The following RNF144A variants were observed in gnomAD, a reference collection of about 807,000 sequenced individuals.
RNF144A encodes E3 ubiquitin-protein ligase RNF144A.
Under a neutral mutation model 38.7 loss-of-function variants are expected in RNF144A, and 11 were observed. That is an observed-to-expected ratio of 0.28 (90% CI 0.18 to 0.47). The LOEUF is 0.47. Among genes scored for constraint, RNF144A ranks in the 20% least tolerant of loss-of-function variants. The probability of loss-of-function intolerance (pLI) is 0.99; values close to 1 mark genes in which losing one functional copy is unlikely to be tolerated. For synonymous variants in RNF144A, 149 were observed against 143.9 expected, an observed-to-expected ratio of 1.04 and a Z score of -0.25; for missense variants, 316 against 377.2, an observed-to-expected ratio of 0.84 and a Z score of 1.34.
At position 7,041,831 on chromosome 2, in the gene RNF144A, G is replaced by C; in HGVS notation, c.*2071G>C. On this transcript the variant is annotated 3_prime_UTR_variant, in exon 9 of 9. Coordinates refer to ENST00000320892, the MANE Select transcript of RNF144A (RefSeq NM_014746.6). The stretch of plus-strand genomic sequence containing the variant: ...ACCCCCGTCCTTAGGATGAGAGTCA[G>C]AGCCTTTGGAAAGGCTGCATCCCCA... 1.0e-6 allele frequency: 1 copy of C among 985,488 alleles called. No individual in the cohort carries two copies. Among genetic ancestry groups the C allele is most frequent in the Non-Finnish European group, 1.2e-6 (1 of 829,974 alleles). 61.0% of individuals were successfully genotyped at this position (985,488 alleles called of 1,614,324 possible).
intron 2 of RNF144A, among the ~76,000 whole-genome samples, chr2:6,990,562 TACACACACAAACACACACACAC>T (rs1472125203): frequency 2.9e-5 from 1 of 34,940 alleles, no homozygotes; most frequent in Non-Finnish European, 9.1e-5. Flanking sequence ...GAGAGATTGC[TACACACACAAACACACACACAC>T]ACACACACAC....
intron 2 of RNF144A, among the ~76,000 whole-genome samples, chr2:6,946,517 A>T (rs1229143099): frequency 1.3e-5 from 2 of 152,088 alleles, no homozygotes; most frequent in East Asian, 3.9e-4. Flanking sequence ...AATAAATATA[A>T]TACCTATAAT....
intron 2 of RNF144A, among the ~76,000 whole-genome samples, chr2:6,986,922 G>A (rs1572341743): frequency 6.6e-6 from 1 of 152,000 alleles, no homozygotes; most frequent in Non-Finnish European, 1.5e-5. Context: ...TTAATGAGTC[G>A]ATGTTTGATT....
chr2:7,018,724 A>G (rs1671308444), intron 5 of RNF144A, among the ~76,000 whole-genome samples: 1 of 152,250 alleles, frequency 6.6e-6, no homozygotes, highest in Non-Finnish European at 1.5e-5. Context: ...TTGTCCATTC[A>G]TTCAGTATGA....
At chr2:6,951,112 T>G (rs1240263623) in intron 2 of RNF144A, among the ~76,000 whole-genome samples, 2 of 152,202 alleles carry the variant, frequency 1.3e-5, no homozygotes, top group African/African-American at 2.4e-5. Flanking sequence ...TTATATTTAA[T>G]AGTTTTAAAA....
chr2:7,012,792 C>T (rs1670901685), intron 3 of RNF144A, among the ~76,000 whole-genome samples: 1 of 152,132 alleles, frequency 6.6e-6, no homozygotes, highest in Non-Finnish European at 1.5e-5. Context: ...TGGAGTCTCA[C>T]GTAGAACTCC....
chr2:7,020,765 C>A, intron 6 of RNF144A, 85 bp downstream of exon 6: 1 of 1,266,662 alleles, frequency 7.9e-7, no homozygotes, highest in Non-Finnish European at 1.1e-6. Flanking sequence ...AGTGCTGTTA[C>A]AGTGTAAGTG....
intron 2 of RNF144A, among the ~76,000 whole-genome samples, chr2:6,954,551 G>T (rs1666880621): frequency 6.6e-6 from 1 of 152,184 alleles, no homozygotes; most frequent in Non-Finnish European, 1.5e-5. Context: ...GAGGGAAGTG[G>T]ATGTCTGCAA....
chr2:7,049,502 T>C (rs1245011536), intron 6 of RNF144A, among the ~76,000 whole-genome samples: 1 of 152,006 alleles, frequency 6.6e-6, no homozygotes, highest in African/African-American at 2.4e-5. Flanking sequence ...GAAAAACGAG[T>C]CTCTTGGAAT....
intron 2 of RNF144A, among the ~76,000 whole-genome samples, chr2:6,942,473 ACT>A (rs1324416940): frequency 1.3e-5 from 2 of 152,220 alleles, no homozygotes; most frequent in South Asian, 2.1e-4. Flanking sequence ...AGTGGGGCAC[ACT>A]CTGCAGATAG....
chr2:7,013,676 T>C (rs1275471406), intron 3 of RNF144A, among the ~76,000 whole-genome samples: 5 of 152,226 alleles, frequency 3.3e-5, no homozygotes, highest in African/African-American at 4.8e-5. Flanking sequence ...CTGTTTATAA[T>C]ATGCTTTTCA....
chr2:7,066,320 C>T (rs1033289124), intron 6 of RNF144A, among the ~76,000 whole-genome samples: 2 of 152,108 alleles, frequency 1.3e-5, no homozygotes, highest in African/African-American at 4.8e-5. Context: ...ATCTCCTGAC[C>T]TCGTGATCTG....
chr2:7,007,249 A>G (rs1017921969), intron 3 of RNF144A, among the ~76,000 whole-genome samples: 1 of 152,242 alleles, frequency 6.6e-6, no homozygotes, highest in African/African-American at 2.4e-5. Context: ...TACAATGGGT[A>G]AAGAGCAAAC....
chr2:6,987,014 G>A (rs1669004668), intron 2 of RNF144A, among the ~76,000 whole-genome samples: 1 of 152,060 alleles, frequency 6.6e-6, no homozygotes, highest in African/African-American at 2.4e-5. Context: ...GGCCCTTTGT[G>A]TCTTTCTCTG....
rs1664209466 is a variant in RNF144A, at chr2:6,917,675, G to C, written c.-212+53G>C. On this transcript the variant is annotated intron_variant, in intron 1 of 8. Transcript: ENST00000320892. This position sits in a 1 kb window ranked among gnomAD's most constrained non-coding sequence, Gnocchi z 4.8. ...CCGCATCGCCCGGGCCGGCCGCGGA[G>C]CGGGGAGGGCGGGACGCGGCGCTGC... 2 of 147,910 alleles carry C rather than the reference G, an allele frequency of 1.4e-5. No individual in the cohort carries two copies. Among genetic ancestry groups the C allele is most frequent in the Non-Finnish European group, 3.0e-5 (2 of 66,442 alleles). The allele number at this position is 147,910 out of a possible 1,614,324, so 9.2% of individuals were successfully genotyped here.
chr2:7,018,302 T>C (rs1244089583), intron 5 of RNF144A, among the ~76,000 whole-genome samples: 4 of 152,212 alleles, frequency 2.6e-5, no homozygotes, highest in Non-Finnish European at 5.9e-5. Context: ...GCGTGTTGTT[T>C]AGTGCACACA....
At chr2:6,932,866 A>G (rs888102212) in intron 1 of RNF144A, among the ~76,000 whole-genome samples, 3 of 152,216 alleles carry the variant, frequency 2.0e-5, no homozygotes, top group African/African-American at 7.2e-5. Flanking sequence ...TGAAGAGTGT[A>G]TTTTGTTTTC....
intron 2 of RNF144A, among the ~76,000 whole-genome samples, chr2:6,976,384 T>G (rs1188135975): frequency 6.6e-6 from 1 of 152,102 alleles, no homozygotes; most frequent in African/African-American, 2.4e-5. Context: ...TTTCTTTTCC[T>G]GTGAATTTTA....
In RNF144A at chr2:6,944,685, C is replaced by A. The variant is rs771121231; in HGVS notation, c.-12+3538C>A. On this transcript the variant is annotated intron_variant, in intron 2 of 8. Transcript: ENST00000320892. The surrounding 1 kb of genome is among the most constrained non-coding windows in gnomAD (Gnocchi z 4.7). ...AGGGTCTCCTCAGGTGTGAGGGAGA[C>A]ATTAAAGAACCCTGGAGAAAACACA... Among the ~76,000 whole-genome samples, 3 of 152,034 alleles carry A rather than the reference C, an allele frequency of 2.0e-5. No homozygotes were observed. Among genetic ancestry groups the A allele is most frequent in the Non-Finnish European group, 4.4e-5 (3 of 68,008 alleles).
Sources: gnomAD v4.1 joint callset for allele counts (sites outside exome capture counted in the v4.1 genomes callset) on GRCh38, gnomAD v4.1.1 for gene constraint, Gnocchi (gnomAD v3.1) non-coding constraint, MANE v1.5 for transcripts, NCBI Gene and HGNC (gene_info 2026-07-23, HGNC 2026-07-21) for gene names.